The following PARD3 variants were observed in gnomAD, a reference collection of about 807,000 sequenced individuals.
PARD3 encodes the protein partitioning defective 3 homolog.
In PARD3, 75 loss-of-function variants were observed where a neutral mutation model predicts 155.4. The ratio of observed to expected loss-of-function variants is 0.48; its 90% CI spans 0.40 to 0.58. The LOEUF (loss-of-function observed/expected upper bound fraction) is 0.58, where lower values mean the gene tolerates loss of function less well. PARD3 is among the 20% of genes least tolerant of loss of function. The probability of loss-of-function intolerance (pLI) is 0.00; values close to 1 mark genes in which losing one functional copy is unlikely to be tolerated. For synonymous variants in PARD3, 576 were observed against 610.5 expected, an observed-to-expected ratio of 0.94 and a Z score of 0.83; for missense variants, 1,642 against 1,721.7, an observed-to-expected ratio of 0.95 and a Z score of 0.82.
At chr10:34,182,742 T>TAAAA (rs11406207) in intron 22 of PARD3, among the ~76,000 whole-genome samples, 5 of 133,380 alleles carry the variant, frequency 3.7e-5, no homozygotes, top group African/African-American at 5.7e-5. Context: ...CTACATTTCT[T>TAAAA]AAAAAAAAAA....
At chr10:34,725,144 T>TGC (rs911861518) in intron 1 of PARD3, among the ~76,000 whole-genome samples, 18 of 119,132 alleles carry the variant, frequency 1.5e-4, no homozygotes, top group Admixed American at 8.0e-4. Flanking sequence ...TGTGTGTGTG[T>TGC]GTGTGTGACA....
Position 34,269,602 on chromosome 10 carries a change from G to A in PARD3, c.3419+55C>T, listed in dbSNP as rs1955512584. The A allele has an allele frequency of 1.1e-5, 17 of 1,592,326 alleles. 1 individual carries two copies. In the South Asian group the frequency reaches 1.9e-4, roughly 18 times the overall value. On this transcript the variant is annotated intron_variant, in intron 22 of 24. Coordinates refer to ENST00000374788, the MANE Select transcript of PARD3 (RefSeq NM_001184785.2). ...TGATGAATGGTCTACTCCCCTGTCA[G>A]AAGCTGTATAAAAGCTGATTTGGAA...
chr10:34,726,935 A>T (rs993860669), intron 1 of PARD3, among the ~76,000 whole-genome samples: 1 of 152,198 alleles, frequency 6.6e-6, no homozygotes, highest in African/African-American at 2.4e-5. Context: ...TTCTGTGGAC[A>T]GGGAATCAAG....
At chr10:34,309,625 T>C (rs1411486882) in intron 20 of PARD3, among the ~76,000 whole-genome samples, 2 of 103,084 alleles carry the variant, frequency 1.9e-5, no homozygotes, top group African/African-American at 3.6e-5. Flanking sequence ...AGAGAAGAAA[T>C]AATTAAACAT....
intron 1 of PARD3, among the ~76,000 whole-genome samples, chr10:34,767,122 T>G (rs1838201437): frequency 6.6e-6 from 1 of 152,054 alleles, no homozygotes; most frequent in Middle Eastern, 3.2e-3. Flanking sequence ...GTTCAAGCAA[T>G]GAACATATAT....
chr10:34,206,985 C>T (rs762795466), intron 22 of PARD3, among the ~76,000 whole-genome samples: 5 of 152,194 alleles, frequency 3.3e-5, no homozygotes, highest in Non-Finnish European at 5.9e-5. Context: ...CTAGATTACA[C>T]AGCTTCATCA....
chr10:34,380,799 A>C (rs1206015579), intron 9 of PARD3, among the ~76,000 whole-genome samples: 1 of 152,208 alleles, frequency 6.6e-6, no homozygotes, highest in Admixed American at 6.5e-5. Flanking sequence ...TTTATGAACC[A>C]GTATCTTTAT....
chr10:34,256,714 A>G lies in PARD3; in HGVS notation c.3419+12943T>C, dbSNP rs146301095. Among the ~76,000 whole-genome samples the G allele has an allele frequency of 3.3e-5, 5 of 150,972 alleles. No homozygotes were observed. In the East Asian group the frequency reaches 9.6e-4, roughly 29 times the overall value. On this transcript the variant is annotated intron_variant, in intron 22 of 24. Transcript: ENST00000374788. ...TCTATGGAATAGAACTAGTAATGAA[A>G]GGCATAAACTGATACAGAAAATTCA...
At chr10:34,428,421 C>G (rs1009424031) in intron 5 of PARD3, among the ~76,000 whole-genome samples, 2 of 152,084 alleles carry the variant, frequency 1.3e-5, no homozygotes, top group Admixed American at 1.3e-4. Flanking sequence ...GAGGCTGAGG[C>G]AGCAAGATCA....
chr10:34,375,125 A>G (rs1183414996), intron 10 of PARD3, 123 bp from the exon 11 acceptor site: 3 of 723,716 alleles, frequency 4.1e-6, no homozygotes, highest in African/African-American at 3.6e-5. Context: ...GCTATGGAAC[A>G]TAACTCATTT....
intron 22 of PARD3, among the ~76,000 whole-genome samples, chr10:34,192,210 G>C (rs34995359): frequency 0.043 from 6,597 of 151,780 alleles, 183 homozygotes; most frequent in Non-Finnish European, 0.065. Context: ...TGGGACTACA[G>C]GCATATGTCA....
At chr10:34,355,942 A>AAAAAAC (rs1554837471) in intron 14 of PARD3, among the ~76,000 whole-genome samples, 78 of 129,642 alleles carry the variant, frequency 6.0e-4, no homozygotes, top group East Asian at 4.8e-3. Flanking sequence ...AAAAAAAAAA[A>AAAAAAC]AAAACAAAAC....
At chr10:34,204,702 C>T (rs1396367550) in intron 22 of PARD3, among the ~76,000 whole-genome samples, 1 of 143,906 alleles carries the variant, frequency 6.9e-6, no homozygotes, top group African/African-American at 2.5e-5. Flanking sequence ...ACGTTACATT[C>T]CCCCCTACAA....
chr10:34,447,231 G>A (rs1264921408), intron 5 of PARD3, among the ~76,000 whole-genome samples: 1 of 151,982 alleles, frequency 6.6e-6, no homozygotes, highest in African/African-American at 2.4e-5. Context: ...CCTGAGATCA[G>A]CACTTTGGGA....
intron 1 of PARD3, among the ~76,000 whole-genome samples, chr10:34,790,500 T>A (rs981368543): frequency 1.3e-5 from 2 of 152,180 alleles, no homozygotes; most frequent in Admixed American, 1.3e-4. Context: ...CTCCTATCCT[T>A]AGGATGCTTC....
At chr10:34,570,655 G>A (rs372495655) in intron 2 of PARD3, among the ~76,000 whole-genome samples, 13 of 152,200 alleles carry the variant, frequency 8.5e-5, no homozygotes, top group African/African-American at 2.9e-4. Context: ...GTTCATGTGG[G>A]TGAAATCCAT....
intron 22 of PARD3, among the ~76,000 whole-genome samples, chr10:34,167,085 T>TA (rs138330163): frequency 0.011 from 1,653 of 152,282 alleles, 25 homozygotes; most frequent in African/African-American, 0.037. Context: ...CGAGCTTGGA[T>TA]TTTCTGCTGT....
intron 22 of PARD3, among the ~76,000 whole-genome samples, chr10:34,158,513 C>A (rs1040927822): frequency 2.0e-5 from 3 of 152,200 alleles, no homozygotes; most frequent in Non-Finnish European, 4.4e-5. Flanking sequence ...TCTAAAGAAG[C>A]GACTGCTGCC....
intron 2 of PARD3, among the ~76,000 whole-genome samples, chr10:34,634,971 G>A (rs12782862): frequency 0.28 from 42,110 of 152,062 alleles, 6,276 homozygotes; most frequent in East Asian, 0.41. Flanking sequence ...CATGTCTAGC[G>A]TCCACCTGAA....
Sources: allele counts gnomAD v4.1 joint callset (sites outside exome capture counted in the v4.1 genomes callset), GRCh38; gene constraint gnomAD v4.1.1; transcripts MANE v1.5; gene names NCBI Gene and HGNC (gene_info 2026-07-23, HGNC 2026-07-21).